PPP2R5C: variants seen among roughly 807,000 people sequenced by gnomAD.
PPP2R5C encodes serine/threonine-protein phosphatase 2A 56 kDa regulatory subunit gamma isoform.
PPP2R5C carries 7 observed loss-of-function variants against 68.9 expected under a neutral mutation model. The ratio of observed to expected loss-of-function variants is 0.10; its 90% confidence interval spans 0.06 to 0.19. PPP2R5C has a LOEUF of 0.19. Ranked by LOEUF, PPP2R5C falls within the 10% of genes least tolerant of loss-of-function variation. PPP2R5C has a pLI of 1.00. For missense variants in PPP2R5C, 348 were observed against 641.3 expected (o/e 0.54, Z 4.94); for synonymous variants, 210 against 222.2 (o/e 0.95, Z 0.49).
At chr14:101,895,287 C>T (rs748515263) in intron 8 of PPP2R5C, among the ~76,000 whole-genome samples, 5 of 152,042 alleles carry the variant, frequency 3.3e-5, no homozygotes, top group Non-Finnish European at 7.4e-5. Context: ...ATTTTTGATA[C>T]GTTACATTTT....
intron 1 of PPP2R5C, among the ~76,000 whole-genome samples, chr14:101,812,489 C>T (rs1265476532): frequency 6.6e-6 from 1 of 152,218 alleles, no homozygotes; most frequent in Non-Finnish European, 1.5e-5. Flanking sequence ...CAAGGTCACA[C>T]AGCCTGGAAG....
At chr14:101,920,707 C>T (rs1304923124) in intron 13 of PPP2R5C, among the ~76,000 whole-genome samples, 3 of 152,166 alleles carry the variant, frequency 2.0e-5, no homozygotes, top group African/African-American at 7.2e-5. Flanking sequence ...GCCAAAACAA[C>T]TGTGAAAAAG....
At chr14:101,867,721 T>G (rs776729684) in intron 2 of PPP2R5C, among the ~76,000 whole-genome samples, 1 of 152,074 alleles carries the variant, frequency 6.6e-6, no homozygotes, top group Non-Finnish European at 1.5e-5. Flanking sequence ...GAGGTTGCAG[T>G]GAGCCAAGAT....
At chr14:101,779,756 C>T (rs1051428191) in intron 2 of PPP2R5C, among the ~76,000 whole-genome samples, 1 of 152,042 alleles carries the variant, frequency 6.6e-6, no homozygotes, top group African/African-American at 2.4e-5. Flanking sequence ...TCTGATGGAC[C>T]TTTAGAAAGG....
intron 2 of PPP2R5C, among the ~76,000 whole-genome samples, chr14:101,770,466 C>T (rs1198536897): frequency 6.6e-6 from 1 of 152,048 alleles, no homozygotes; most frequent in Non-Finnish European, 1.5e-5. Flanking sequence ...GTGGATGGGA[C>T]AAGATGGAAC....
At chr14:101,873,790 T>C (rs2140810775) in intron 2 of PPP2R5C, among the ~76,000 whole-genome samples, 1 of 152,286 alleles carries the variant, frequency 6.6e-6, no homozygotes, top group East Asian at 1.9e-4. Context: ...CCCACCTGGG[T>C]TCTTTCTGCC....
Position 101,835,374 on chromosome 14 carries a change from T to G in PPP2R5C, c.95-21312T>G, listed in dbSNP as rs1425427107. 6.6e-6 allele frequency among the ~76,000 whole-genome samples: 1 copy of G among 152,192 alleles called. No individual in the cohort carries two copies. Among genetic ancestry groups the G allele is most frequent in the Non-Finnish European group, 1.5e-5 (1 of 68,026 alleles). On this transcript the variant is annotated intron_variant, in intron 1 of 13. Coordinates refer to ENST00000334743, the Ensembl canonical transcript of PPP2R5C. This position sits in a 1 kb window ranked among gnomAD's most constrained non-coding sequence, Gnocchi z 5.0. Reference sequence around the variant, plus strand: ...TTCCACCTGGGATCACAGTTTACAGTCAGCTGAGTGCTCAAGAGAACTCAG... The same window carrying G: ...TTCCACCTGGGATCACAGTTTACAGGCAGCTGAGTGCTCAAGAGAACTCAG...
At chr14:101,841,675 G>A (rs1008563035) in intron 1 of PPP2R5C, among the ~76,000 whole-genome samples, 1 of 152,210 alleles carries the variant, frequency 6.6e-6, no homozygotes, top group African/African-American at 2.4e-5. Flanking sequence ...TCCAGTCGCA[G>A]ACACAAAAGC....
chr14:101,818,622 AGAC>A (rs2039859686), intron 1 of PPP2R5C: 1 of 192,298 alleles, frequency 5.2e-6, no homozygotes. Flanking sequence ...CAGCAGAGTG[AGAC>A]TCTGTCTCAA....
Position 101,797,282 on chromosome 14 carries a change from TGGAC to T in PPP2R5C, c.259+11104_259+11107del, listed in dbSNP as rs1189075829. 2.2e-6 allele frequency: 1 copy of T among 456,118 alleles called. No homozygotes were observed. The highest frequency in any genetic ancestry group is 4.4e-6 in the Non-Finnish European group (1 of 226,804). The allele number at this position is 456,118 out of a possible 1,614,324, so 28.3% of individuals were successfully genotyped here. A position where few individuals can be genotyped will look rare whatever the true frequency, so the allele number is the denominator to read the frequency against. On this transcript the variant is annotated intron_variant, in intron 3 of 14. Coordinates refer to the PPP2R5C transcript ENST00000328724. This position sits in a 1 kb window ranked among gnomAD's most constrained non-coding sequence, Gnocchi z 4.2. ...GCTGATGCCATCCTTCAGTGATGTG[TGGAC>T]GGACACATTCCGCGTATCCCCCAAT... is the stretch of plus-strand genomic sequence containing the variant.
At position 101,787,715 on chromosome 14, in the gene PPP2R5C, T is replaced by C. The variant is rs1384721248; in HGVS notation, c.259+1532T>C. 1.4e-4 allele frequency among the ~76,000 whole-genome samples: 20 copies of C among 138,934 alleles called. 1 individual carries two copies. Among genetic ancestry groups the C allele is most frequent in the East Asian group, 1.3e-3 (6 of 4,696 alleles). The allele number at this position is 138,934 out of a possible 152,430, so 91.1% of individuals were successfully genotyped here. On this transcript the variant is annotated intron_variant, in intron 3 of 14. Coordinates refer to the PPP2R5C transcript ENST00000328724. ...CCGGGAGGCAGAGCTTGCAGTGAGC[T>C]GAGATCGTGCCACTGCACTCCAGCC...
At chr14:101,795,670 G>A (rs1034199886) in intron 3 of PPP2R5C, among the ~76,000 whole-genome samples, 1 of 152,164 alleles carries the variant, frequency 6.6e-6, no homozygotes, top group Non-Finnish European at 1.5e-5. Context: ...GGGCAAAAGA[G>A]TTGCCGAGTA....
rs1375508783 is a variant in PPP2R5C at position 101,914,243 on chromosome 14, C to T, written c.1326+1770C>T. ...TGGGAGCTTAGCCCTGCCTTGTCCT[C>T]ATGTCTGTGTTGACGCCATCTGTGA... On this transcript the variant is annotated intron_variant, in intron 12 of 13. Transcript: ENST00000334743. 4 of 454,962 alleles carry T rather than the reference C, an allele frequency of 8.8e-6. No homozygotes were observed. The Admixed American group carries it at 9.5e-5, about 11-fold the overall frequency. The allele number at this position is 454,962 out of a possible 1,614,324, so 28.2% of individuals were successfully genotyped here. A position where few individuals can be genotyped will look rare whatever the true frequency, so the allele number is the denominator to read the frequency against.
intron 1 of PPP2R5C, among the ~76,000 whole-genome samples, chr14:101,853,558 T>G (rs566082542): frequency 4.1e-4 from 62 of 152,368 alleles, no homozygotes; most frequent in African/African-American, 1.4e-3. Context: ...GTGCAGTGTT[T>G]ATAACGCGAA....
At chr14:101,789,496 AT>A (rs2038265876) in intron 3 of PPP2R5C, among the ~76,000 whole-genome samples, 1 of 152,222 alleles carries the variant, frequency 6.6e-6, no homozygotes, top group African/African-American at 2.4e-5. Context: ...TGTTACTATT[AT>A]AATTGCTGTG....
chr14:101,878,879 C>T (rs2043963322), intron 2 of PPP2R5C, among the ~76,000 whole-genome samples: 1 of 152,234 alleles, frequency 6.6e-6, no homozygotes, highest in African/African-American at 2.4e-5. Context: ...GTGGCCTAGC[C>T]GGGTTGACAC....
chr14:101,830,535 C>T (rs550869480), intron 1 of PPP2R5C, among the ~76,000 whole-genome samples: 1 of 152,308 alleles, frequency 6.6e-6, no homozygotes, highest in Admixed American at 6.5e-5. Context: ...GTGCTTTGGA[C>T]AGCAGGTCCA....
chr14:101,764,801 C>CTTTTTTTT (rs34973768), intron 2 of PPP2R5C, among the ~76,000 whole-genome samples: 3 of 129,364 alleles, frequency 2.3e-5, no homozygotes, highest in Non-Finnish European at 3.3e-5. Context: ...TGCTATATGC[C>CTTTTTTTT]TTTTTTTTTT....
At chr14:101,852,212 A>T (rs963441084) in intron 1 of PPP2R5C, among the ~76,000 whole-genome samples, 3 of 152,116 alleles carry the variant, frequency 2.0e-5, no homozygotes, top group Non-Finnish European at 4.4e-5. Flanking sequence ...CCTACGTTCC[A>T]ATCTTGAGTA....
Sources: gnomAD v4.1 joint callset for allele counts (sites outside exome capture counted in the v4.1 genomes callset) on GRCh38, gnomAD v4.1.1 for gene constraint, Gnocchi (gnomAD v3.1) non-coding constraint, MANE v1.5 for transcripts, NCBI Gene and HGNC (gene_info 2026-07-23, HGNC 2026-07-21) for gene names.